The following RBMS1 variants were observed in gnomAD, a reference collection of about 807,000 sequenced individuals.
RBMS1 encodes the protein RNA binding motif single stranded interacting protein 1, also known as RNA-binding motif, single-stranded-interacting protein 1.
Under a neutral mutation model 62.3 loss-of-function variants are expected in RBMS1, and 17 were observed. The ratio of observed to expected loss-of-function variants is 0.27; its 90% CI spans 0.19 to 0.41. RBMS1 has a LOEUF of 0.41. Among genes scored for constraint, RBMS1 ranks in the 10% least tolerant of loss-of-function variants. The probability of loss-of-function intolerance (pLI) is 1.00; values close to 1 mark genes in which losing one functional copy is unlikely to be tolerated. For synonymous variants in RBMS1, 172 were observed against 170.0 expected (o/e 1.01, Z -0.09); for missense variants, 334 against 504.5 (o/e 0.66, Z 3.24).
intron 4 of RBMS1, among the ~76,000 whole-genome samples, chr2:160,306,687 T>C (rs1394400722): frequency 6.6e-6 from 1 of 151,734 alleles, no homozygotes; most frequent in Non-Finnish European, 1.5e-5. Context: ...AAAGTGTCCA[T>C]GAATTCTTTT....
chr2:160,293,663 T>C (rs1688791049), intron 6 of RBMS1, among the ~76,000 whole-genome samples: 1 of 152,160 alleles, frequency 6.6e-6, no homozygotes, highest in South Asian at 2.1e-4. Flanking sequence ...TTAGCCTTTG[T>C]CTTTGAGAGG....
At chr2:160,299,120 C>T (rs889289531) in intron 6 of RBMS1, among the ~76,000 whole-genome samples, 9 of 152,152 alleles carry the variant, frequency 5.9e-5, no homozygotes, top group African/African-American at 1.4e-4. Flanking sequence ...ACTAATATTG[C>T]GCATTTACCA....
intron 2 of RBMS1, among the ~76,000 whole-genome samples, chr2:160,321,937 C>G (rs779026260): frequency 6.6e-6 from 1 of 152,228 alleles, no homozygotes; most frequent in Non-Finnish European, 1.5e-5. Flanking sequence ...AAACATCTCT[C>G]CATTACCTAT....
chr2:160,308,023 G>T (rs761464500), intron 4 of RBMS1, among the ~76,000 whole-genome samples: 7 of 152,160 alleles, frequency 4.6e-5, no homozygotes, highest in Non-Finnish European at 1.0e-4. Flanking sequence ...ATGGCAATAT[G>T]AATTTTCCTG....
intron 1 of RBMS1, among the ~76,000 whole-genome samples, chr2:160,430,565 A>T (rs1682846508): frequency 6.6e-6 from 1 of 152,224 alleles, no homozygotes; most frequent in African/African-American, 2.4e-5. Context: ...CAAATAATCA[A>T]GTATTGGTTA....
At chr2:160,404,923 C>T (rs1434479429) in intron 1 of RBMS1, among the ~76,000 whole-genome samples, 3 of 152,198 alleles carry the variant, frequency 2.0e-5, no homozygotes, top group Non-Finnish European at 4.4e-5. Flanking sequence ...TACATGTAGG[C>T]AGGCAGCCGT....
intron 1 of RBMS1, among the ~76,000 whole-genome samples, chr2:160,491,377 A>G (rs1158772542): frequency 6.6e-6 from 1 of 152,250 alleles, no homozygotes. Flanking sequence ...ATTTACCGCA[A>G]CACAAATCAA....
intron 1 of RBMS1, among the ~76,000 whole-genome samples, chr2:160,399,525 CTTT>C (rs33978215): frequency 2.0e-5 from 3 of 149,530 alleles, no homozygotes; most frequent in African/African-American, 4.9e-5. Context: ...TTCCTGTATG[CTTT>C]TTTTTTTTTT....
chr2:160,448,342 C>T (rs997994981), intron 1 of RBMS1, among the ~76,000 whole-genome samples: 8 of 151,236 alleles, frequency 5.3e-5, no homozygotes, highest in East Asian at 1.9e-4. Flanking sequence ...CCTCTGATGC[C>T]GAGCGGAGGC....
In RBMS1 at chr2:160,274,188, A is replaced by G. The variant is rs890889642; in HGVS notation, c.*584T>C. The G allele has an allele frequency of 2.6e-5, 4 of 152,652 alleles. No individual in the cohort carries two copies. Among genetic ancestry groups the G allele is most frequent in the Admixed American group, 6.5e-5 (1 of 15,284 alleles). The allele number at this position is 152,652 out of a possible 1,614,324, so 9.5% of individuals were successfully genotyped here. A position where few individuals can be genotyped will look rare whatever the true frequency, so the allele number is the denominator to read the frequency against. On this transcript the variant is annotated 3_prime_UTR_variant, in exon 14 of 14. Coordinates refer to ENST00000348849, the MANE Select transcript of RBMS1 (RefSeq NM_016836.4). ...GGCAAATTGGAATTCATAGAAAAGG[A>G]TAAGACACTTCACACTACGTTGAAA...
chr2:160,436,385 A>G (rs1016163169), intron 1 of RBMS1, among the ~76,000 whole-genome samples: 20 of 152,254 alleles, frequency 1.3e-4, no homozygotes, highest in African/African-American at 4.6e-4. Context: ...GGCACCAGCT[A>G]TTAAAAGGGA....
chr2:160,284,415 C>A, intron 9 of RBMS1: 1 of 221,300 alleles, frequency 4.5e-6, no homozygotes, highest in South Asian at 7.2e-5. Context: ...TAAACAAAAG[C>A]AAGGGTACAC....
intron 1 of RBMS1, among the ~76,000 whole-genome samples, chr2:160,459,187 CTTTA>C (rs1354566861): frequency 6.6e-6 from 1 of 152,058 alleles, no homozygotes; most frequent in Non-Finnish European, 1.5e-5. Flanking sequence ...TAAATTCATG[CTTTA>C]TTTGTCTCAT....
At chr2:160,277,433 T>G in intron 11 of RBMS1, 50 bp from the exon 12 acceptor site, 1 of 1,409,886 alleles carries the variant, frequency 7.1e-7, no homozygotes, top group Non-Finnish European at 1.0e-6. Flanking sequence ...CATGCAAAAT[T>G]TGGAGTACGT....
intron 1 of RBMS1, among the ~76,000 whole-genome samples, chr2:160,465,844 C>CCACACA (rs34253924): frequency 2.6e-4 from 29 of 109,986 alleles, no homozygotes; most frequent in Admixed American, 1.7e-3. Context: ...CCTCCCCACA[C>CCACACA]CACACACACA....
chr2:160,291,506 C>T (rs1341120822), intron 6 of RBMS1, among the ~76,000 whole-genome samples: 1 of 152,066 alleles, frequency 6.6e-6, no homozygotes, highest in Non-Finnish European at 1.5e-5. Context: ...GGCACAACAT[C>T]GTTTCCTGTT....
At chr2:160,397,962 C>A (rs1188707484) in intron 1 of RBMS1, among the ~76,000 whole-genome samples, 2 of 152,210 alleles carry the variant, frequency 1.3e-5, no homozygotes, top group Non-Finnish European at 2.9e-5. Context: ...TCCCCGAAGT[C>A]TGTCCCATCT....
chr2:160,488,226 T>C (rs559290585), intron 1 of RBMS1, among the ~76,000 whole-genome samples: 1 of 152,360 alleles, frequency 6.6e-6, no homozygotes, highest in South Asian at 2.1e-4. Context: ...GTCCCATTGC[T>C]GCCTCTCATG....
chr2:160,466,486 T>G (rs1329626610), intron 1 of RBMS1, among the ~76,000 whole-genome samples: 1 of 152,174 alleles, frequency 6.6e-6, no homozygotes, highest in Non-Finnish European at 1.5e-5. Flanking sequence ...ATTTGAGAAT[T>G]GGAACAGTGA....
Sources: allele counts gnomAD v4.1 joint callset (sites outside exome capture counted in the v4.1 genomes callset), GRCh38; gene constraint gnomAD v4.1.1; transcripts MANE v1.5; gene names NCBI Gene and HGNC (gene_info 2026-07-23, HGNC 2026-07-21).